Variants in CSNK1G2 observed in about 807,000 individuals in gnomAD.
The protein encoded by CSNK1G2 is casein kinase I isoform gamma-2.
Under a neutral mutation model 48.0 loss-of-function variants are expected in CSNK1G2, and 11 were observed. The observed-to-expected ratio is 0.23, with a 90% CI of 0.14 to 0.38. The LOEUF is 0.38. Among genes scored for constraint, CSNK1G2 ranks in the 10% least tolerant of loss-of-function variants. The pLI is 1.00. For missense variants in CSNK1G2, 446 were observed against 595.5 expected (o/e 0.75, Z 2.61); for synonymous variants, 337 against 254.1 (o/e 1.33, Z -3.10).
intron 2 of CSNK1G2, among the ~76,000 whole-genome samples, chr19:1,977,029 G>A (rs776216456): frequency 2.0e-5 from 3 of 152,194 alleles, no homozygotes; most frequent in African/African-American, 4.8e-5. Context: ...ATAAGCCACC[G>A]TGCCCGGCCA....
chr19:1,950,219 A>T (rs941118464), intron 1 of CSNK1G2, among the ~76,000 whole-genome samples: 10 of 152,026 alleles, frequency 6.6e-5, no homozygotes, highest in African/African-American at 2.4e-4. Context: ...TGCTCACTGC[A>T]AGCTCTGCCT....
intron 1 of CSNK1G2, among the ~76,000 whole-genome samples, chr19:1,952,152 A>C (rs1206814605): frequency 6.6e-6 from 1 of 152,144 alleles, no homozygotes; most frequent in African/African-American, 2.4e-5. Flanking sequence ...AGGGGTCGTG[A>C]TGGTCACTGC....
chr19:1,944,114 G>C (rs915161123), intron 1 of CSNK1G2, among the ~76,000 whole-genome samples: 3 of 152,158 alleles, frequency 2.0e-5, no homozygotes, highest in African/African-American at 7.2e-5. Context: ...CCTCAGGTCA[G>C]CCTCAAGTCC....
At chr19:1,968,511 C>T (rs2015455819) in intron 1 of CSNK1G2, among the ~76,000 whole-genome samples, 1 of 152,242 alleles carries the variant, frequency 6.6e-6, no homozygotes, top group Non-Finnish European at 1.5e-5. Context: ...GTCCCCTCAG[C>T]CATGAGCCCC....
At chr19:1,955,022 G>A (rs2014934022) in intron 1 of CSNK1G2, among the ~76,000 whole-genome samples, 3 of 152,232 alleles carry the variant, frequency 2.0e-5, no homozygotes, top group African/African-American at 7.2e-5. Context: ...TTACGTCCTC[G>A]CTTCCTTCCA....
At chr19:1,960,939 A>T (rs1322450741) in intron 1 of CSNK1G2, among the ~76,000 whole-genome samples, 1 of 152,224 alleles carries the variant, frequency 6.6e-6, no homozygotes, top group Non-Finnish European at 1.5e-5. Context: ...CTTCCTGTGG[A>T]TGCTGAGAGG....
chr19:1,978,813 G>T lies in CSNK1G2; in HGVS notation c.448-46G>T, dbSNP rs769562349. On this transcript the variant is annotated intron_variant, in intron 5 of 11. Transcript: ENST00000255641. The surrounding 1 kb of genome is among the most constrained non-coding windows in gnomAD (Gnocchi z 7.3). ...AGAGGGTGGCCCTGGAGGGGAGCGC[G>T]TGGGACGGGGAGGGGCCCGGCCGAC... 1 of 1,590,192 alleles carries T rather than the reference G, an allele frequency of 6.3e-7. No individual in the cohort carries two copies.
intron 1 of CSNK1G2, among the ~76,000 whole-genome samples, chr19:1,967,765 C>T (rs1599315509): frequency 1.3e-5 from 1 of 78,748 alleles, no homozygotes; most frequent in East Asian, 3.8e-4. Context: ...CCCCCGACCA[C>T]CCTTCAGTTC....
intron 2 of CSNK1G2, among the ~76,000 whole-genome samples, chr19:1,977,272 G>C (rs542182093): frequency 6.6e-6 from 1 of 152,316 alleles, no homozygotes; most frequent in South Asian, 2.1e-4. Context: ...AGCTGCCGTG[G>C]GGAGCCCTCC....
chr19:1,943,494 G>A (rs1049499299), intron 1 of CSNK1G2, among the ~76,000 whole-genome samples: 2 of 152,204 alleles, frequency 1.3e-5, no homozygotes, highest in Non-Finnish European at 2.9e-5. Context: ...GGCTACAAAG[G>A]AAGTAGGCGA....
rs1183085830 is a variant in CSNK1G2, at chr19:1,957,544, C to T, written c.-265-11964C>T. ...ACCTCTCTCTCCACTTCATGTTTGT[C>T]CTCACTGAGGGAGCCGAGCAGATGC... is the stretch of plus-strand genomic sequence containing the variant. On this transcript the variant is annotated intron_variant, in intron 1 of 11. Transcript: ENST00000255641. The surrounding 1 kb of genome is among the most constrained non-coding windows in gnomAD (Gnocchi z 5.4). Among the ~76,000 whole-genome samples the T allele has an allele frequency of 6.6e-6, 1 of 152,348 alleles. No individual in the cohort carries two copies. The highest frequency in any genetic ancestry group is 1.9e-4 in the East Asian group (1 of 5,190).
intron 2 of CSNK1G2, among the ~76,000 whole-genome samples, chr19:1,976,273 C>G (rs958526598): frequency 6.6e-6 from 1 of 152,012 alleles, no homozygotes; most frequent in Non-Finnish European, 1.5e-5. Context: ...GTCCCCGGCT[C>G]AGGACTGGAG....
rs142538356 is a variant in CSNK1G2 at position 1,974,183 on chromosome 19, C to T, written c.188-4122C>T. Among the ~76,000 whole-genome samples, 515 of 152,284 alleles carry T rather than the reference C, an allele frequency of 3.4e-3. 1 individual carries two copies. The highest frequency in any genetic ancestry group is 6.3e-3 in the Non-Finnish European group (427 of 68,020). ...CTAGGGTTACAGGCATGAGCCACTG[C>T]ACCTGGCCAGATCATTTATAATGAA... On this transcript the variant is annotated intron_variant, in intron 2 of 11. Coordinates refer to ENST00000255641, the MANE Select transcript of CSNK1G2 (RefSeq NM_001319.7).
Position 1,979,112 on chromosome 19 carries a change from G to A in CSNK1G2, c.682+19G>A. 1.3e-6 allele frequency: 2 copies of A among 1,583,342 alleles called. No individual in the cohort carries two copies. Among genetic ancestry groups the A allele is most frequent in the South Asian group, 1.1e-5 (1 of 89,584 alleles). Reference sequence around the variant, plus strand: ...GGCAAGGGTGAGCTGCGCGCGCGCGGCGGGGGGCGGGCGCCCGGACCCCGC... The same window carrying A: ...GGCAAGGGTGAGCTGCGCGCGCGCGACGGGGGGCGGGCGCCCGGACCCCGC... On this transcript the variant is annotated intron_variant, in intron 6 of 11. Coordinates refer to ENST00000255641, the MANE Select transcript of CSNK1G2 (RefSeq NM_001319.7).
intron 1 of CSNK1G2, chr19:1,952,442 C>T (rs1332625379): frequency 6.6e-6 from 1 of 152,314 alleles, no homozygotes; most frequent in South Asian, 2.1e-4. Context: ...CCTGCCTCAG[C>T]CTCCCGAGTA....
At position 1,977,423 on chromosome 19, in the gene CSNK1G2, C is replaced by T. The variant is rs568076726; in HGVS notation, c.188-882C>T. Among the ~76,000 whole-genome samples, 9 of 152,298 alleles carry T rather than the reference C, an allele frequency of 5.9e-5. No homozygotes were observed. In the South Asian group the frequency reaches 1.9e-3, roughly 32 times the overall value. On this transcript the variant is annotated intron_variant, in intron 2 of 11. Coordinates refer to ENST00000255641, the MANE Select transcript of CSNK1G2 (RefSeq NM_001319.7). ...CTGCAGAGCGCCTCTGTGTTAAGGG[C>T]TGGCCGCCTCCTTCCTCAGGGGGTG...
At chr19:1,971,766 C>CTTTTT (rs60024174) in intron 2 of CSNK1G2, among the ~76,000 whole-genome samples, 5 of 116,188 alleles carry the variant, frequency 4.3e-5, no homozygotes, top group Admixed American at 9.5e-5. Flanking sequence ...GTGATGCCAG[C>CTTTTT]TTTTTTTTTT....
chr19:1,968,685 C>T (rs538468128), intron 1 of CSNK1G2: 1 of 152,622 alleles, frequency 6.6e-6, no homozygotes, highest in African/African-American at 2.4e-5. Flanking sequence ...CCAGAGGCTT[C>T]TGTCTTTTCC....
In CSNK1G2 at chr19:1,962,885, G is replaced by A. The variant is rs142115836; in HGVS notation, c.-265-6623G>A. On this transcript the variant is annotated intron_variant, in intron 1 of 11. Transcript: ENST00000255641. Reference sequence around the variant, plus strand: ...GCCACGCAGAAGCCCGTGCGCAGACGCCGCCGTGGACTCCAGCAGCCGGAC... The same window carrying A: ...GCCACGCAGAAGCCCGTGCGCAGACACCGCCGTGGACTCCAGCAGCCGGAC... Among the ~76,000 whole-genome samples, 193 of 152,294 alleles carry A rather than the reference G, an allele frequency of 1.3e-3. 1 individual carries two copies. Among genetic ancestry groups the A allele is most frequent in the African/African-American group, 4.3e-3 (180 of 41,560 alleles).
Sources: gnomAD v4.1 joint callset for allele counts (sites outside exome capture counted in the v4.1 genomes callset) on GRCh38, gnomAD v4.1.1 for gene constraint, Gnocchi (gnomAD v3.1) non-coding constraint, MANE v1.5 for transcripts, NCBI Gene and HGNC (gene_info 2026-07-23, HGNC 2026-07-21) for gene names.